SKAP2: variants seen among roughly 807,000 people sequenced by gnomAD.
SKAP2 encodes src kinase associated phosphoprotein 2.
In SKAP2, 28 loss-of-function variants were observed where a neutral mutation model predicts 54.9. That is an observed-to-expected ratio of 0.51 (90% CI 0.38 to 0.70). SKAP2 has a LOEUF of 0.70. Among genes scored for constraint, SKAP2 ranks in the 30% least tolerant of loss-of-function variants. SKAP2 has a pLI of 0.00. For synonymous variants in SKAP2, 137 were observed against 134.3 expected (o/e 1.02, Z -0.14); for missense variants, 356 against 424.1 (o/e 0.84, Z 1.41).
intron 4 of SKAP2, among the ~76,000 whole-genome samples, chr7:26,840,182 G>T (rs184107461): frequency 6.6e-6 from 1 of 151,998 alleles, no homozygotes; most frequent in Admixed American, 6.6e-5. Context: ...ATAAATGACT[G>T]TTCTATATTT....
At position 26,818,309 on chromosome 7, in the gene SKAP2, A is replaced by T. The variant is rs559680263; in HGVS notation, c.307+25721T>A. 3.9e-5 allele frequency among the ~76,000 whole-genome samples: 6 copies of T among 152,332 alleles called. No individual in the cohort carries two copies. The South Asian group carries it at 1.2e-3, about 32-fold the overall frequency. On this transcript the variant is annotated intron_variant, in intron 4 of 12. Coordinates refer to ENST00000345317, the MANE Select transcript of SKAP2 (RefSeq NM_003930.5). ...CACATCTACAACCATCTGATCTTTG[A>T]CAAACCTGACAAAAACAAGCAATGG...
intron 4 of SKAP2, among the ~76,000 whole-genome samples, chr7:26,816,733 T>A (rs960996071): frequency 5.9e-5 from 9 of 151,948 alleles, no homozygotes; most frequent in Non-Finnish European, 1.2e-4. Context: ...AGAAATTTGA[T>A]AAGGCAAAAA....
intron 10 of SKAP2, among the ~76,000 whole-genome samples, chr7:26,689,277 T>C (rs1786725781): frequency 6.6e-6 from 1 of 152,188 alleles, no homozygotes; most frequent in Non-Finnish European, 1.5e-5. Context: ...AGAGATGATA[T>C]GGCAGACCTT....
chr7:26,718,006 G>A (rs764222045), intron 9 of SKAP2, among the ~76,000 whole-genome samples: 1 of 151,844 alleles, frequency 6.6e-6, no homozygotes, highest in Admixed American at 6.6e-5. Flanking sequence ...CTCATGCGAT[G>A]AGGATATTAT....
chr7:26,818,838 T>C (rs1784325728), intron 4 of SKAP2, among the ~76,000 whole-genome samples: 2 of 152,142 alleles, frequency 1.3e-5, no homozygotes, highest in Non-Finnish European at 2.9e-5. Context: ...TCATCACTGG[T>C]CATTAGAGAA....
chr7:26,799,303 C>G (rs1297477700), intron 4 of SKAP2, among the ~76,000 whole-genome samples: 1 of 151,866 alleles, frequency 6.6e-6, no homozygotes, highest in Non-Finnish European at 1.5e-5. Flanking sequence ...CCCCATTGAT[C>G]TGTTGCCTTA....
chr7:26,678,797 T>C lies in SKAP2; in HGVS notation c.987+5939A>G, dbSNP rs528110218. 3.2e-4 allele frequency among the ~76,000 whole-genome samples: 49 copies of C among 152,282 alleles called. No individual in the cohort carries two copies. In the Middle Eastern group the frequency reaches 0.017, roughly 53 times the overall value. On this transcript the variant is annotated intron_variant, in intron 11 of 12. Transcript: ENST00000345317. ...ATGAACATCTGTCACTTATCTATAA[T>C]TTACTAAATATCGACTCTAAAACTT...
intron 4 of SKAP2, among the ~76,000 whole-genome samples, chr7:26,833,203 G>T (rs1784632613): frequency 6.6e-6 from 1 of 151,648 alleles, no homozygotes; most frequent in Admixed American, 6.6e-5. Context: ...GACCATCCTG[G>T]CTAACACGGT....
At chr7:26,823,545 T>C (rs889563655) in intron 4 of SKAP2, among the ~76,000 whole-genome samples, 1 of 151,758 alleles carries the variant, frequency 6.6e-6, no homozygotes, top group African/African-American at 2.4e-5. Flanking sequence ...AGCCAAAGCC[T>C]AACCCAGATC....
chr7:26,683,369 C>A (rs1480567167), intron 11 of SKAP2, among the ~76,000 whole-genome samples: 2 of 152,126 alleles, frequency 1.3e-5, no homozygotes, highest in East Asian at 3.9e-4. Context: ...TTTCTGGGAA[C>A]AACAGTAACA....
chr7:26,729,978 T>C (rs759745436), intron 6 of SKAP2, among the ~76,000 whole-genome samples: 2 of 152,162 alleles, frequency 1.3e-5, no homozygotes, highest in Non-Finnish European at 2.9e-5. Context: ...AACAATTATA[T>C]AAACATCCAA....
intron 4 of SKAP2, among the ~76,000 whole-genome samples, chr7:26,763,196 A>T (rs888209438): frequency 4.6e-5 from 7 of 152,186 alleles, no homozygotes; most frequent in Admixed American, 1.3e-4. Flanking sequence ...GTTTTTAGTT[A>T]CATGGATAAA....
chr7:26,828,904 G>A (rs1784547296), intron 4 of SKAP2, among the ~76,000 whole-genome samples: 1 of 151,890 alleles, frequency 6.6e-6, no homozygotes, highest in Non-Finnish European at 1.5e-5. Flanking sequence ...GTGTGCGCTT[G>A]TAATCCCAGC....
At chr7:26,805,411 T>C (rs1784005787) in intron 4 of SKAP2, among the ~76,000 whole-genome samples, 1 of 152,180 alleles carries the variant, frequency 6.6e-6, no homozygotes, top group African/African-American at 2.4e-5. Flanking sequence ...GCCTAATCCC[T>C]TTCCCCTTGA....
chr7:26,662,113 A>G (rs540668926), downstream of SKAP2, among the ~76,000 whole-genome samples: 435 of 152,242 alleles, frequency 2.9e-3, 4 homozygotes, highest in African/African-American at 0.01. Flanking sequence ...GAAGGAAAAG[A>G]GTCCTTACTC....
At chr7:26,820,589 G>A (rs577372464) in intron 4 of SKAP2, among the ~76,000 whole-genome samples, 20 of 152,026 alleles carry the variant, frequency 1.3e-4, no homozygotes, top group Non-Finnish European at 2.2e-4. Flanking sequence ...AGCTAAATAC[G>A]ATTCACCCAA....
chr7:26,702,669 T>C (rs1787064480), intron 9 of SKAP2, among the ~76,000 whole-genome samples: 1 of 152,140 alleles, frequency 6.6e-6, no homozygotes, highest in African/African-American at 2.4e-5. Flanking sequence ...CTTACTCCCT[T>C]GTGCTTAGTT....
chr7:26,827,127 G>A (rs558167830), intron 4 of SKAP2, among the ~76,000 whole-genome samples: 1 of 152,090 alleles, frequency 6.6e-6, no homozygotes, highest in Non-Finnish European at 1.5e-5. Flanking sequence ...CTCCTTTAGT[G>A]TTAAAGAAAG....
chr7:26,770,651 C>T (rs1165733098), intron 4 of SKAP2, among the ~76,000 whole-genome samples: 1 of 152,138 alleles, frequency 6.6e-6, no homozygotes, highest in Non-Finnish European at 1.5e-5. Flanking sequence ...AGTATCTGGG[C>T]CAGAGTGTAC....
Sources: gnomAD v4.1 joint callset for allele counts (sites outside exome capture counted in the v4.1 genomes callset) on GRCh38, gnomAD v4.1.1 for gene constraint, MANE v1.5 for transcripts, NCBI Gene and HGNC (gene_info 2026-07-23, HGNC 2026-07-21) for gene names.